SLC5A8: variants seen among roughly 807,000 people sequenced by gnomAD.
SLC5A8 encodes the protein solute carrier family 5 member 8.
A neutral mutation model predicts 71.9 loss-of-function variants in SLC5A8; 55 were observed. The ratio of observed to expected loss-of-function variants is 0.77; its 90% confidence interval spans 0.62 to 0.96. SLC5A8 has a LOEUF of 0.96. Ranked by LOEUF, SLC5A8 falls within the 40% of genes least tolerant of loss-of-function variation. The probability of loss-of-function intolerance (pLI) is 0.00; values close to 1 mark genes in which losing one functional copy is unlikely to be tolerated. For synonymous variants in SLC5A8, 307 were observed against 276.1 expected (o/e 1.11, Z -1.11); for missense variants, 701 against 745.3 (o/e 0.94, Z 0.69).
At chr12:101,175,403 A>T (rs76735268) in intron 10 of SLC5A8, among the ~76,000 whole-genome samples, 15 of 152,278 alleles carry the variant, frequency 9.9e-5, no homozygotes, top group Non-Finnish European at 1.8e-4. Flanking sequence ...TACTCAAAGA[A>T]TTAATGTCTG....
rs746583539 is a variant in SLC5A8, at chr12:101,162,054, T to G, written c.1550A>C (p.Tyr517Ser). Residue 517 changes from tyrosine to serine, a missense_variant, in exon 13 of 15, where the codon TAT (tyrosine) becomes TCT (serine). Coordinates refer to ENST00000536262, the MANE Select transcript of SLC5A8 (RefSeq NM_145913.5). ...VQRTPLMDNW[Y>S]SLSYLYFSTV... is the part of the protein sequence containing the mutation. ...GCTGAAGTACAGATATGATAAAGAA[T>G]ACCAGTTATCCATCAGTGGAGTCCT... 6.2e-7 allele frequency: 1 copy of G among 1,613,596 alleles called. No homozygotes were observed.
At chr12:101,192,821 T>C (rs1365206469) in intron 5 of SLC5A8, among the ~76,000 whole-genome samples, 1 of 151,868 alleles carries the variant, frequency 6.6e-6, no homozygotes, top group Non-Finnish European at 1.5e-5. Context: ...CAGGGCAATA[T>C]CAAAAGAGAA....
At chr12:101,162,135 T>C (rs2051729349) in intron 12 of SLC5A8, 58 bp from the exon 13 acceptor site, 1 of 1,097,116 alleles carries the variant, frequency 9.1e-7, no homozygotes, top group African/African-American at 1.5e-5. Context: ...CAACTACCAG[T>C]ATATACCAGT....
intron 3 of SLC5A8, among the ~76,000 whole-genome samples, chr12:101,201,016 T>C (rs1041477372): frequency 6.6e-6 from 1 of 152,236 alleles, no homozygotes; most frequent in African/African-American, 2.4e-5. Context: ...ACACCTTCAC[T>C]TTCATTCTAA....
chr12:101,161,943 A>C (rs1255754720), intron 13 of SLC5A8, 31 bp downstream of exon 13: 1 of 1,467,034 alleles, frequency 6.8e-7, no homozygotes, highest in East Asian at 2.3e-5. Flanking sequence ...TATAGAGGTA[A>C]ATACAACAAT....
chr12:101,187,241 T>C, intron 7 of SLC5A8, 145 bp downstream of exon 7: 1 of 922,912 alleles, frequency 1.1e-6, no homozygotes, highest in Admixed American at 3.5e-5. Context: ...TAAAATAAAT[T>C]CTTAACAAAG....
rs1197632032 is a variant in SLC5A8 at position 101,158,347 on chromosome 12, A to G, written c.1631-19T>C. ...CTTCCTCCTGGAAAAAAAAATGTAC[A>G]TGACTTACGTTGTTAAAAAGGACAC... On this transcript the variant is annotated intron_variant, in intron 13 of 14. Transcript: ENST00000536262. The G allele has an allele frequency of 6.6e-7, 1 of 1,518,042 alleles. No homozygotes were observed. Among genetic ancestry groups the G allele is most frequent in the Admixed American group, 1.8e-5 (1 of 56,220 alleles). 94.0% of individuals were successfully genotyped at this position (1,518,042 alleles called of 1,614,324 possible).
intron 10 of SLC5A8, among the ~76,000 whole-genome samples, chr12:101,175,767 C>T (rs1003803466): frequency 6.6e-6 from 1 of 151,892 alleles, no homozygotes; most frequent in African/African-American, 2.4e-5. Flanking sequence ...GGAAAAAATA[C>T]TAGCAACTCA....
chr12:101,193,796 T>A lies in SLC5A8; in HGVS notation c.538-17A>T. On this transcript the variant is annotated splice_polypyrimidine_tract_variant and intron_variant, in intron 4 of 14. Coordinates refer to ENST00000536262, the MANE Select transcript of SLC5A8 (RefSeq NM_145913.5). ...AAGACCACCCTTTGAGGGGAAAGTA[T>A]ATTAGGATTAATGCTTCTATTAGAC... 1 of 1,612,660 alleles carries A rather than the reference T, an allele frequency of 6.2e-7. No homozygotes were observed. Among genetic ancestry groups the A allele is most frequent in the East Asian group, 2.2e-5 (1 of 44,862 alleles).
chr12:101,189,194 G>A (rs1433279057), intron 6 of SLC5A8, among the ~76,000 whole-genome samples: 1 of 152,146 alleles, frequency 6.6e-6, no homozygotes, highest in Non-Finnish European at 1.5e-5. Flanking sequence ...CTCTGGGAGA[G>A]GTATCAGCTC....
chr12:101,187,902 G>C (rs1388759479), intron 6 of SLC5A8, among the ~76,000 whole-genome samples: 2 of 152,218 alleles, frequency 1.3e-5, no homozygotes, highest in Non-Finnish European at 2.9e-5. Context: ...TAATGCAATT[G>C]TAAACTGCTA....
At chr12:101,186,829 G>A (rs900222705) in intron 7 of SLC5A8, among the ~76,000 whole-genome samples, 1 of 152,178 alleles carries the variant, frequency 6.6e-6, no homozygotes, top group Non-Finnish European at 1.5e-5. Flanking sequence ...CCTTGGGTAA[G>A]TTATATAACC....
intron 7 of SLC5A8, among the ~76,000 whole-genome samples, chr12:101,184,927 T>TTTTTCTACAGA (rs1868558736): frequency 6.6e-6 from 1 of 152,256 alleles, no homozygotes; most frequent in Non-Finnish European, 1.5e-5. Context: ...TGCATGGCAG[T>TTTTTCTACAGA]TTTTCTACAA....
chr12:101,175,074 T>A lies in SLC5A8; in HGVS notation c.1233+4955A>T, dbSNP rs191008674. 2.4e-3 allele frequency among the ~76,000 whole-genome samples: 369 copies of A among 151,384 alleles called. 3 individuals carry two copies. Among genetic ancestry groups the A allele is most frequent in the African/African-American group, 8.4e-3 (345 of 41,262 alleles). On this transcript the variant is annotated intron_variant, in intron 10 of 14. Coordinates refer to ENST00000536262, the MANE Select transcript of SLC5A8 (RefSeq NM_145913.5). ...CTAATGAAAAAATAGAGGGAAAAAA[T>A]ATATATAGAGAGAAAAATCTCAGGG...
chr12:101,204,455 A>C, intron 2 of SLC5A8, 45 bp downstream of exon 2: 1 of 1,518,608 alleles, frequency 6.6e-7, no homozygotes, highest in Admixed American at 1.9e-5. Flanking sequence ...CATGGTTAAA[A>C]ACATTTTAGC....
At chr12:101,181,560 A>C (rs1868369057) in intron 9 of SLC5A8, among the ~76,000 whole-genome samples, 1 of 152,232 alleles carries the variant, frequency 6.6e-6, no homozygotes, top group African/African-American at 2.4e-5. Flanking sequence ...CCAATTCTGC[A>C]AAGTATTTGT....
Position 101,166,686 on chromosome 12 carries a change from C to T in SLC5A8, c.1334G>A (p.Gly445Asp). Residue 445 changes from glycine (G) to aspartate (D), a missense_variant, in exon 12 of 15, where the codon GGT becomes GAT. Gly to Asp is a moderately conservative substitution (Grantham distance 94, BLOSUM62 -1). Transcript: ENST00000536262. ...AGAAATGGCAAATCCAGCCATCAGA[C>T]CAACAAGTGCTCCCTGTAAAACAAG... The part of the protein sequence containing the change: ...PFANSIGALV[G>D]LMAGFAISLW... 1 of 1,608,412 alleles carries T rather than the reference C, an allele frequency of 6.2e-7. No homozygotes were observed. The highest frequency in any genetic ancestry group is 8.5e-7 in the Non-Finnish European group (1 of 1,177,900).
intron 6 of SLC5A8, among the ~76,000 whole-genome samples, chr12:101,189,424 C>A (rs1868804034): frequency 6.6e-6 from 1 of 152,130 alleles, no homozygotes; most frequent in African/African-American, 2.4e-5. Context: ...TATGACATCA[C>A]AATATTTTCA....
rs114467885 is a variant in SLC5A8 at position 101,210,031 on chromosome 12, G to T, written c.-183C>A. ...CGAGGCGGGGTGAGGGCTGGCAGTCGCCCCTGCACCCGCCGCTGCGAGCCG... is the reference window on the plus strand; with the variant it reads ...CGAGGCGGGGTGAGGGCTGGCAGTCTCCCCTGCACCCGCCGCTGCGAGCCG... On this transcript the variant is annotated 5_prime_UTR_variant, in exon 1 of 15. Transcript: ENST00000536262. 7.6e-3 allele frequency: 3,946 copies of T among 518,650 alleles called. 137 individuals are homozygous for T. Among genetic ancestry groups the T allele is most frequent in the African/African-American group, 0.072 (3,571 of 49,432 alleles). 32.1% of individuals were successfully genotyped at this position (518,650 alleles called of 1,614,324 possible). A position where few individuals can be genotyped will look rare whatever the true frequency, so the allele number is the denominator to read the frequency against.
Sources: allele counts gnomAD v4.1 joint callset (sites outside exome capture counted in the v4.1 genomes callset), GRCh38; gene constraint gnomAD v4.1.1; transcripts MANE v1.5; gene names NCBI Gene and HGNC (gene_info 2026-07-23, HGNC 2026-07-21).